GDAP2: variants seen among roughly 807,000 people sequenced by gnomAD.
GDAP2 encodes ganglioside induced differentiation associated protein 2.
In GDAP2, 51 loss-of-function variants were observed where a neutral mutation model predicts 67.0. That is an observed-to-expected ratio of 0.76 (90% CI 0.61 to 0.96). GDAP2 has a LOEUF of 0.96. GDAP2 is among the 40% of genes least tolerant of loss of function. GDAP2 has a pLI of 0.00. For missense variants in GDAP2, 547 were observed against 588.3 expected (o/e 0.93, Z 0.73); for synonymous variants, 203 against 207.3 (o/e 0.98, Z 0.18).
rs1648177735 is a variant in GDAP2 at position 117,869,286 on chromosome 1, T to C, written c.*1283A>G. On this transcript the variant is annotated 3_prime_UTR_variant, in exon 14 of 14. Coordinates refer to ENST00000369443, the MANE Select transcript of GDAP2 (RefSeq NM_017686.4). Reference sequence around the variant, plus strand: ...ATGTTTAAAATGGCCAACAGATGCCTCTTATTGAAGTATAGCATCAGGGGA... The same window carrying C: ...ATGTTTAAAATGGCCAACAGATGCCCCTTATTGAAGTATAGCATCAGGGGA... 6.6e-6 allele frequency: 1 copy of C among 152,138 alleles called. No individual in the cohort carries two copies. The highest frequency in any genetic ancestry group is 1.5e-5 in the Non-Finnish European group (1 of 68,020). The allele number at this position is 152,138 out of a possible 1,614,324, so 9.4% of individuals were successfully genotyped here. A position where few individuals can be genotyped will look rare whatever the true frequency, so the allele number is the denominator to read the frequency against.
In GDAP2 at chr1:117,875,795, C is replaced by T. The variant is rs145164095; in HGVS notation, c.1446+2214G>A. On this transcript the variant is annotated intron_variant, in intron 13 of 13. Coordinates refer to ENST00000369443, the MANE Select transcript of GDAP2 (RefSeq NM_017686.4). The stretch of plus-strand genomic sequence containing the variant: ...TTTTGGACTTATAAGGGGCCAGTTA[C>T]CCCTTTCTTTTGGCCTGTTCCTCTT... 6.4e-3 allele frequency among the ~76,000 whole-genome samples: 980 copies of T among 152,282 alleles called. 9 individuals carry two copies. The highest frequency in any genetic ancestry group is 9.5e-3 in the Non-Finnish European group (647 of 68,010).
At chr1:117,897,811 C>A (rs542099543) in intron 7 of GDAP2, among the ~76,000 whole-genome samples, 50 of 152,314 alleles carry the variant, frequency 3.3e-4, no homozygotes, top group African/African-American at 1.1e-3. Flanking sequence ...CTTCACTGCT[C>A]CTCAAACTGA....
At chr1:117,927,155 C>A (rs971006929) in intron 1 of GDAP2, among the ~76,000 whole-genome samples, 10 of 152,052 alleles carry the variant, frequency 6.6e-5, no homozygotes, top group Admixed American at 5.2e-4. Flanking sequence ...ACAAAGATAA[C>A]CCACTATGTA....
intron 1 of GDAP2, among the ~76,000 whole-genome samples, chr1:117,922,104 T>C (rs1650272361): frequency 6.6e-6 from 1 of 152,172 alleles, no homozygotes; most frequent in Non-Finnish European, 1.5e-5. Context: ...TATGACCAAG[T>C]GTTTATGTCA....
At chr1:117,917,459 T>C (rs1035709360) in intron 3 of GDAP2, among the ~76,000 whole-genome samples, 2 of 152,202 alleles carry the variant, frequency 1.3e-5, no homozygotes, top group African/African-American at 4.8e-5. Flanking sequence ...GCACCTAATG[T>C]CCATTATTTA....
chr1:117,874,935 G>A (rs1648403816), intron 13 of GDAP2, among the ~76,000 whole-genome samples: 1 of 152,212 alleles, frequency 6.6e-6, no homozygotes, highest in African/African-American at 2.4e-5. Flanking sequence ...TCTGCTGGAG[G>A]AAATTTCTAA....
intron 10 of GDAP2, among the ~76,000 whole-genome samples, chr1:117,885,290 A>G (rs1648812858): frequency 6.6e-6 from 1 of 151,924 alleles, no homozygotes; most frequent in Admixed American, 6.6e-5. Flanking sequence ...TTCAAATTCA[A>G]CTTCTTAAGT....
chr1:117,889,056 G>C (rs1169411658), intron 8 of GDAP2, among the ~76,000 whole-genome samples: 2 of 152,124 alleles, frequency 1.3e-5, no homozygotes, highest in Non-Finnish European at 2.9e-5. Flanking sequence ...GTCAAAGACA[G>C]TAGCTTTTAA....
At chr1:117,891,563 C>G (rs1268834350) in intron 8 of GDAP2, among the ~76,000 whole-genome samples, 1 of 152,008 alleles carries the variant, frequency 6.6e-6, no homozygotes, top group Non-Finnish European at 1.5e-5. Context: ...CTGTTCCTAT[C>G]ATTTTTCCAT....
Position 117,894,101 on chromosome 1 carries a change from T to A in GDAP2, c.953+2732A>T, listed in dbSNP as rs73011993. On this transcript the variant is annotated intron_variant, in intron 8 of 13. Transcript: ENST00000369443. Reference sequence around the variant, plus strand: ...CTCCAGAAAACTCCATTGAACACTGTGAGAGAATGTGAATGAAAAAGAAAA... The same window carrying A: ...CTCCAGAAAACTCCATTGAACACTGAGAGAGAATGTGAATGAAAAAGAAAA... Among the ~76,000 whole-genome samples the A allele has an allele frequency of 2.7e-3, 404 of 152,124 alleles. 2 individuals are homozygous for A. Among genetic ancestry groups the A allele is most frequent in the African/African-American group, 9.4e-3 (390 of 41,518 alleles).
chr1:117,907,661 T>C (rs1047213253), intron 5 of GDAP2, among the ~76,000 whole-genome samples: 5 of 152,172 alleles, frequency 3.3e-5, no homozygotes, highest in African/African-American at 9.7e-5. Context: ...TTTAATTCTA[T>C]TGCTAATATT....
At chr1:117,896,417 T>TA (rs1222568663) in intron 8 of GDAP2, among the ~76,000 whole-genome samples, 1 of 152,210 alleles carries the variant, frequency 6.6e-6, no homozygotes, top group Non-Finnish European at 1.5e-5. Flanking sequence ...GTCCTTCGGA[T>TA]AAGTCAGGGA....
chr1:117,922,969 C>A (rs567974851), intron 1 of GDAP2, among the ~76,000 whole-genome samples: 32 of 152,320 alleles, frequency 2.1e-4, no homozygotes, highest in Admixed American at 2.0e-3. Context: ...GAGGCCTCCC[C>A]TGGGAATGCA....
rs905752300 is a variant in GDAP2, at chr1:117,869,385, T to C, written c.*1184A>G. On this transcript the variant is annotated 3_prime_UTR_variant, in exon 14 of 14. Transcript: ENST00000369443. ...GGTTGGAATTTTACACTAACAGGTATTGCCACACAAAAAGAAAAATCACTC... is the reference window on the plus strand; with the variant it reads ...GGTTGGAATTTTACACTAACAGGTACTGCCACACAAAAAGAAAAATCACTC... 1 of 152,282 alleles carries C rather than the reference T, an allele frequency of 6.6e-6. No individual in the cohort carries two copies. The highest frequency in any genetic ancestry group is 1.5e-5 in the Non-Finnish European group (1 of 68,054). The allele number at this position is 152,282 out of a possible 1,614,324, so 9.4% of individuals were successfully genotyped here.
chr1:117,887,862 C>G, intron 8 of GDAP2, 88 bp from the exon 9 acceptor site: 2 of 748,774 alleles, frequency 2.7e-6, no homozygotes, highest in South Asian at 1.6e-5. Flanking sequence ...CTTCCCTGAC[C>G]CTAAAAATTT....
chr1:117,914,973 AAGTTCC>A (rs989553120), intron 3 of GDAP2, among the ~76,000 whole-genome samples: 1 of 152,194 alleles, frequency 6.6e-6, no homozygotes, highest in Non-Finnish European at 1.5e-5. Flanking sequence ...TTAAAAAAAA[AAGTTCC>A]AGAACAGTAA....
intron 8 of GDAP2, among the ~76,000 whole-genome samples, chr1:117,890,804 T>C (rs1005007391): frequency 4.6e-5 from 7 of 152,136 alleles, no homozygotes; most frequent in Admixed American, 2.6e-4. Context: ...ATGCTGTATG[T>C]AATCTCTTGG....
At chr1:117,905,095 A>T (rs1649612964) in intron 6 of GDAP2, among the ~76,000 whole-genome samples, 1 of 152,182 alleles carries the variant, frequency 6.6e-6, no homozygotes, top group Non-Finnish European at 1.5e-5. Flanking sequence ...CACTACCAGT[A>T]CCCTTGTTCA....
At chr1:117,901,608 T>C (rs1253154514) in intron 6 of GDAP2, among the ~76,000 whole-genome samples, 1 of 152,254 alleles carries the variant, frequency 6.6e-6, no homozygotes, top group African/African-American at 2.4e-5. Context: ...TGTATTTCTC[T>C]AATGGTTAAT....
Sources: gnomAD v4.1 joint callset for allele counts (sites outside exome capture counted in the v4.1 genomes callset) on GRCh38, gnomAD v4.1.1 for gene constraint, MANE v1.5 for transcripts, NCBI Gene and HGNC (gene_info 2026-07-23, HGNC 2026-07-21) for gene names.